TRHDE: variants seen among roughly 807,000 people sequenced by gnomAD.
TRHDE encodes the protein thyrotropin releasing hormone degrading enzyme, also known as thyrotropin-releasing hormone-degrading ectoenzyme.
TRHDE carries 72 observed loss-of-function variants against 125.7 expected under a neutral mutation model. That is an observed-to-expected ratio of 0.57 (90% confidence interval 0.47 to 0.70). The LOEUF (loss-of-function observed/expected upper bound fraction) is 0.70, where lower values mean the gene tolerates loss of function less well. Ranked by LOEUF, TRHDE falls within the 30% of genes least tolerant of loss-of-function variation. TRHDE has a pLI of 0.00. For missense variants in TRHDE, 1,110 were observed against 1,327.1 expected, an observed-to-expected ratio of 0.84 and a Z score of 2.54; for synonymous variants, 509 against 509.1, an observed-to-expected ratio of 1.00 and a Z score of 0.00.
At chr12:72,534,978 A>G (rs904612556) in intron 6 of TRHDE, among the ~76,000 whole-genome samples, 8 of 151,990 alleles carry the variant, frequency 5.3e-5, no homozygotes, top group Non-Finnish European at 8.8e-5. Context: ...GGTGAATCTC[A>G]TTATGTATGG....
intron 2 of TRHDE, among the ~76,000 whole-genome samples, chr12:72,126,848 T>A (rs551146284): frequency 8.5e-5 from 13 of 152,126 alleles, no homozygotes; most frequent in Non-Finnish European, 1.8e-4. Flanking sequence ...AATTGACAAG[T>A]GGGGCCTAAT....
intron 2 of TRHDE, among the ~76,000 whole-genome samples, chr12:72,293,360 T>C (rs927711915): frequency 2.6e-5 from 4 of 152,130 alleles, no homozygotes; most frequent in Admixed American, 2.0e-4. Flanking sequence ...TTAAGTCCCA[T>C]CTATCTCAAA....
chr12:72,493,207 A>T (rs1397226167), intron 5 of TRHDE, among the ~76,000 whole-genome samples: 1 of 151,940 alleles, frequency 6.6e-6, no homozygotes, highest in Non-Finnish European at 1.5e-5. Context: ...TTATATCCAG[A>T]TATTGTGAAC....
At chr12:72,214,422 A>C (rs922231853) in intron 2 of TRHDE, among the ~76,000 whole-genome samples, 3 of 152,210 alleles carry the variant, frequency 2.0e-5, no homozygotes, top group East Asian at 3.9e-4. Flanking sequence ...AAATTAAGTT[A>C]CTGGCTGGAG....
rs377117117 is a variant in TRHDE, at chr12:72,304,274, AT to A, written c.1188+17322del. On this transcript the variant is annotated intron_variant, in intron 2 of 18. Transcript: ENST00000261180. The stretch of plus-strand genomic sequence containing the variant: ...ATTGTTCTGATTTTATTAGAATTAT[AT>A]TACTGTATATTTTGAATTTAATATC... Among the ~76,000 whole-genome samples the A allele has an allele frequency of 5.9e-5, 9 of 152,262 alleles. No individual in the cohort carries two copies. In the East Asian group the frequency reaches 7.7e-4, roughly 13 times the overall value.
At chr12:72,455,378 A>G (rs1414537802) in intron 3 of TRHDE, among the ~76,000 whole-genome samples, 6 of 152,210 alleles carry the variant, frequency 3.9e-5, no homozygotes, top group South Asian at 2.1e-4. Flanking sequence ...AGTGTTTAGT[A>G]GTTGTAAACT....
At chr12:72,493,020 C>G (rs1352816768) in intron 5 of TRHDE, among the ~76,000 whole-genome samples, 1 of 151,886 alleles carries the variant, frequency 6.6e-6, no homozygotes, top group African/African-American at 2.4e-5. Context: ...TGCTTAAAGG[C>G]AGAATTGTGT....
At chr12:72,528,380 AC>A (rs1272684177) in intron 6 of TRHDE, among the ~76,000 whole-genome samples, 3 of 152,240 alleles carry the variant, frequency 2.0e-5, no homozygotes, top group African/African-American at 7.2e-5. Context: ...TGACAAGAAT[AC>A]TATTTGTTGC....
At chr12:72,357,818 A>G (rs1870889534) in intron 2 of TRHDE, among the ~76,000 whole-genome samples, 1 of 151,558 alleles carries the variant, frequency 6.6e-6, no homozygotes, top group Non-Finnish European at 1.5e-5. Context: ...TGTATCTTAC[A>G]ACATCATGTA....
intron 4 of TRHDE, among the ~76,000 whole-genome samples, chr12:72,470,863 CTTTTTTTTTTTTTTT>C (rs768937293): frequency 2.9e-5 from 2 of 67,936 alleles, no homozygotes; most frequent in African/African-American, 6.2e-5. Context: ...TAAATGTCAG[CTTTTTTTTTTTTTTT>C]TTTTTTTTTT....
At chr12:72,365,816 T>C (rs897688375) in intron 2 of TRHDE, among the ~76,000 whole-genome samples, 2 of 152,274 alleles carry the variant, frequency 1.3e-5, no homozygotes, top group Middle Eastern at 3.4e-3. Context: ...CACAAACTTA[T>C]TGTCTTACTC....
chr12:72,134,071 G>T (rs564519018), intron 2 of TRHDE, among the ~76,000 whole-genome samples: 66 of 152,322 alleles, frequency 4.3e-4, no homozygotes, highest in Non-Finnish European at 8.4e-4. Flanking sequence ...AATATCTTAT[G>T]ATGGAACTGA....
chr12:72,495,060 G>GTTTTTTTTTTTTTTT (rs751243542), intron 5 of TRHDE, among the ~76,000 whole-genome samples: 1 of 58,392 alleles, frequency 1.7e-5, no homozygotes, highest in African/African-American at 7.4e-5. Flanking sequence ...TTCCTCCCCC[G>GTTTTTTTTTTTTTTT]TTTTTTTTTT....
chr12:72,618,422 A>T (rs1287955585), intron 12 of TRHDE, among the ~76,000 whole-genome samples: 1 of 152,180 alleles, frequency 6.6e-6, no homozygotes, highest in Non-Finnish European at 1.5e-5. Flanking sequence ...AATCTAACAA[A>T]CACTCAGAAC....
At chr12:72,296,497 A>G (rs1880304432) in intron 2 of TRHDE, among the ~76,000 whole-genome samples, 1 of 152,096 alleles carries the variant, frequency 6.6e-6, no homozygotes, top group Non-Finnish European at 1.5e-5. Flanking sequence ...CCATTAGGAA[A>G]GCAGTGCCTG....
At chr12:72,260,596 A>G (rs1270075716) in intron 2 of TRHDE, among the ~76,000 whole-genome samples, 1 of 152,188 alleles carries the variant, frequency 6.6e-6, no homozygotes, top group Non-Finnish European at 1.5e-5. Flanking sequence ...TGAGACTCTA[A>G]AAGTAGAACA....
At chr12:72,606,859 C>T (rs779562038) in intron 12 of TRHDE, among the ~76,000 whole-genome samples, 1 of 152,080 alleles carries the variant, frequency 6.6e-6, no homozygotes, top group Non-Finnish European at 1.5e-5. Context: ...GCAAATTCCA[C>T]ACTTCAAATT....
chr12:72,304,016 A>G (rs1246346077), intron 2 of TRHDE, among the ~76,000 whole-genome samples: 1 of 152,150 alleles, frequency 6.6e-6, no homozygotes, highest in East Asian at 1.9e-4. Context: ...CTTATTTTAT[A>G]GATGAGGAAA....
At chr12:72,655,176 GA>G (rs1874660012) in intron 17 of TRHDE, among the ~76,000 whole-genome samples, 1 of 152,042 alleles carries the variant, frequency 6.6e-6, no homozygotes, top group African/African-American at 2.4e-5. Context: ...GAGTTCAGGT[GA>G]TCCTTCCACT....
Sources: allele counts gnomAD v4.1 joint callset (sites outside exome capture counted in the v4.1 genomes callset), GRCh38; gene constraint gnomAD v4.1.1; transcripts MANE v1.5; gene names NCBI Gene and HGNC (gene_info 2026-07-23, HGNC 2026-07-21).